Variants in MDFIC observed in about 807,000 individuals in gnomAD.
MDFIC encodes the protein myoD family inhibitor domain-containing protein.
A neutral mutation model predicts 23.2 loss-of-function variants in MDFIC; 17 were observed. The observed-to-expected ratio is 0.73, with a 90% confidence interval of 0.50 to 1.10. The LOEUF (loss-of-function observed/expected upper bound fraction) is 1.10, where lower values mean the gene tolerates loss of function less well. Ranked by LOEUF, MDFIC falls within the 50% of genes least tolerant of loss-of-function variation. MDFIC has a pLI of 0.00. For synonymous variants in MDFIC, 120 were observed against 115.2 expected, an observed-to-expected ratio of 1.04 and a Z score of -0.27; for missense variants, 356 against 316.6, an observed-to-expected ratio of 1.12 and a Z score of -0.95.
At chr7:114,932,985 T>C (rs1792345662) in intron 2 of MDFIC, among the ~76,000 whole-genome samples, 1 of 152,194 alleles carries the variant, frequency 6.6e-6, no homozygotes, top group African/African-American at 2.4e-5. Context: ...AAAGCATAAC[T>C]CTGAAATGCT....
Position 115,018,858 on chromosome 7 carries a change from C to G in MDFIC, c.*2923C>G, listed in dbSNP as rs1791848129. 1 of 152,012 alleles carries G rather than the reference C, an allele frequency of 6.6e-6. No homozygotes were observed. The highest frequency in any genetic ancestry group is 1.9e-4 in the East Asian group (1 of 5,180). The allele number at this position is 152,012 out of a possible 1,614,324, so 9.4% of individuals were successfully genotyped here. ...GAAGGTTATCTTTATCATGTTTCATCCCTGTCTGAAGATTTCCTAGTCTTC... is the reference window on the plus strand; with the variant it reads ...GAAGGTTATCTTTATCATGTTTCATGCCTGTCTGAAGATTTCCTAGTCTTC... On this transcript the variant is annotated 3_prime_UTR_variant, in exon 5 of 5. Coordinates refer to ENST00000393486, the MANE Select transcript of MDFIC (RefSeq NM_001166345.3).
intron 2 of MDFIC, among the ~76,000 whole-genome samples, chr7:114,936,943 A>T (rs902775057): frequency 6.6e-6 from 1 of 152,116 alleles, no homozygotes; most frequent in Admixed American, 6.5e-5. Context: ...TAACAAACAT[A>T]TTAGTTGAGT....
At chr7:115,011,048 A>T (rs1478922643) in intron 4 of MDFIC, among the ~76,000 whole-genome samples, 1 of 152,214 alleles carries the variant, frequency 6.6e-6, no homozygotes, top group Non-Finnish European at 1.5e-5. Flanking sequence ...TTGGATTTGT[A>T]ACTGACCTTC....
At chr7:115,014,187 A>G in intron 4 of MDFIC, 2 of 985,232 alleles carry the variant, frequency 2.0e-6, no homozygotes, top group Non-Finnish European at 2.4e-6. Flanking sequence ...AAAGTTAGAG[A>G]CTGCAGAGAA....
rs1791811029 is a variant in MDFIC at position 115,017,082 on chromosome 7, T to G, written c.*1147T>G. 1 of 152,204 alleles carries G rather than the reference T, an allele frequency of 6.6e-6. No individual in the cohort carries two copies. Among genetic ancestry groups the G allele is most frequent in the African/African-American group, 2.4e-5 (1 of 41,454 alleles). 9.4% of individuals were successfully genotyped at this position (152,204 alleles called of 1,614,324 possible). On this transcript the variant is annotated 3_prime_UTR_variant, in exon 5 of 5. Transcript: ENST00000393486. ...TGCTATTTAAATGAATTATTTAGAT[T>G]TTTGACAAAGATTTAGGTGGACACC... is the stretch of plus-strand genomic sequence containing the variant.
intron 3 of MDFIC, among the ~76,000 whole-genome samples, chr7:114,978,475 A>G (rs1656002161): frequency 6.6e-6 from 1 of 151,722 alleles, no homozygotes; most frequent in Non-Finnish European, 1.5e-5. Flanking sequence ...ATTTTTTTCT[A>G]GTTTAATTCC....
In MDFIC at chr7:115,019,021, T is replaced by C. The variant is rs934780608; in HGVS notation, c.*3086T>C. 2.6e-5 allele frequency: 4 copies of C among 151,620 alleles called. No individual in the cohort carries two copies. Among genetic ancestry groups the C allele is most frequent in the African/African-American group, 9.7e-5 (4 of 41,414 alleles). The allele number at this position is 151,620 out of a possible 1,614,324, so 9.4% of individuals were successfully genotyped here. A position where few individuals can be genotyped will look rare whatever the true frequency, so the allele number is the denominator to read the frequency against. ...TGTCAAAATACAAGTTTTTTTTTTTTACATCGTTTTAGTAAGTTAATTTCA... is the reference window on the plus strand; with the variant it reads ...TGTCAAAATACAAGTTTTTTTTTTTCACATCGTTTTAGTAAGTTAATTTCA... On this transcript the variant is annotated 3_prime_UTR_variant, in exon 5 of 5. Transcript: ENST00000393486.
intron 3 of MDFIC, among the ~76,000 whole-genome samples, chr7:114,953,042 T>G (rs1792809464): frequency 6.6e-6 from 1 of 152,212 alleles, no homozygotes; most frequent in Non-Finnish European, 1.5e-5. Flanking sequence ...TCTCCCATAT[T>G]CAGTAGATTT....
chr7:114,977,572 ACATCCTTGTC>A (rs1793341407), intron 3 of MDFIC, among the ~76,000 whole-genome samples: 1 of 152,194 alleles, frequency 6.6e-6, no homozygotes, highest in Non-Finnish European at 1.5e-5. Context: ...AACTTAGGTC[ACATCCTTGTC>A]CTCTAGCTCC....
chr7:115,019,441 A>T lies in MDFIC; in HGVS notation c.*3506A>T, dbSNP rs17585463. Among the ~76,000 whole-genome samples the T allele has an allele frequency of 0.19, 28,901 of 151,928 alleles. 3,310 individuals carry two copies. The highest frequency in any genetic ancestry group is 0.26 in the Non-Finnish European group (17,571 of 67,888). On this transcript the variant is annotated 3_prime_UTR_variant, in exon 5 of 5. Coordinates refer to ENST00000393486, the MANE Select transcript of MDFIC (RefSeq NM_001166345.3). ...AACTTTCCATTCTTTATCCATACAAACTCTTTCAGTGCCCTAGATTCTAAT... is the reference window on the plus strand; with the variant it reads ...AACTTTCCATTCTTTATCCATACAATCTCTTTCAGTGCCCTAGATTCTAAT...
At chr7:115,005,230 A>G (rs1487361070) in intron 4 of MDFIC, among the ~76,000 whole-genome samples, 2 of 152,256 alleles carry the variant, frequency 1.3e-5, no homozygotes, top group African/African-American at 4.8e-5. Context: ...TGACAGAGCC[A>G]AGACCAGAAA....
At chr7:114,979,419 A>G in intron 3 of MDFIC, 87 bp from the exon 4 acceptor site, 2 of 1,368,014 alleles carry the variant, frequency 1.5e-6, no homozygotes, top group Non-Finnish European at 9.7e-7. Flanking sequence ...AAAACCCCAA[A>G]TCTCTGTTAC....
rs1422046664 is a variant in MDFIC, at chr7:114,922,533, G to T, written c.-211G>T. 2.4e-6 allele frequency: 3 copies of T among 1,265,064 alleles called. No individual in the cohort carries two copies. The highest frequency in any genetic ancestry group is 3.0e-5 in the East Asian group (1 of 32,812). 78.4% of individuals were successfully genotyped at this position (1,265,064 alleles called of 1,614,324 possible). A position where few individuals can be genotyped will look rare whatever the true frequency, so the allele number is the denominator to read the frequency against. ...CGGCCGCCGCCGTCGTCAGGCCACC[G>T]GGGCGAAAATGCGGCCGCTGCCGGA... is the stretch of plus-strand genomic sequence containing the variant. On this transcript the variant is annotated 5_prime_UTR_variant, in exon 1 of 5. Transcript: ENST00000393486.
In MDFIC at chr7:114,992,652, T is replaced by C. The variant is rs193050109; in HGVS notation, c.493+12871T>C. Among the ~76,000 whole-genome samples, 567 of 152,294 alleles carry C rather than the reference T, an allele frequency of 3.7e-3. 3 individuals are homozygous for C. The highest frequency in any genetic ancestry group is 0.013 in the African/African-American group (540 of 41,568). On this transcript the variant is annotated intron_variant, in intron 4 of 4. Transcript: ENST00000393486. ...TTCTGTTTATATGCTGGATTATGTT[T>C]ATTGATTTGTGTATGTTGAACCAGC...
intron 4 of MDFIC, among the ~76,000 whole-genome samples, chr7:115,004,960 T>C (rs1791540710): frequency 6.6e-6 from 1 of 152,256 alleles, no homozygotes; most frequent in Non-Finnish European, 1.5e-5. Flanking sequence ...TCCTGGGGCT[T>C]AGCCAACTTA....
At chr7:115,009,747 T>C (rs1791643746) in intron 4 of MDFIC, among the ~76,000 whole-genome samples, 1 of 152,242 alleles carries the variant, frequency 6.6e-6, no homozygotes, top group South Asian at 2.1e-4. Context: ...TTCGTAGGAC[T>C]CAAAGATTTT....
chr7:114,923,253 T>A, intron 2 of MDFIC, 126 bp downstream of exon 2: 2 of 1,330,460 alleles, frequency 1.5e-6, no homozygotes, highest in Admixed American at 4.1e-5. Context: ...GTTGAGAACT[T>A]TTGCACAGTT....
chr7:115,014,212 A>C (rs1189230646), intron 4 of MDFIC: 56 of 985,228 alleles, frequency 5.7e-5, no homozygotes, highest in Non-Finnish European at 6.6e-5. Flanking sequence ...AGGGGTGTTC[A>C]AGGAGTTAGG....
chr7:114,933,950 T>G (rs1046155710), intron 2 of MDFIC: 2 of 152,182 alleles, frequency 1.3e-5, no homozygotes, highest in African/African-American at 4.8e-5. Flanking sequence ...GAATAAGCTA[T>G]TTTCTGAGGC....
Sources: gnomAD v4.1 joint callset for allele counts (sites outside exome capture counted in the v4.1 genomes callset) on GRCh38, gnomAD v4.1.1 for gene constraint, MANE v1.5 for transcripts, NCBI Gene and HGNC (gene_info 2026-07-23, HGNC 2026-07-21) for gene names.